DAPK1: variants seen among roughly 807,000 people sequenced by gnomAD.
DAPK1 encodes death associated protein kinase 1.
Under a neutral mutation model 144.9 loss-of-function variants are expected in DAPK1, and 56 were observed. The ratio of observed to expected loss-of-function variants is 0.39; its 90% CI spans 0.31 to 0.48. The LOEUF (loss-of-function observed/expected upper bound fraction) is 0.48, where lower values mean the gene tolerates loss of function less well. Among genes scored for constraint, DAPK1 ranks in the 20% least tolerant of loss-of-function variants. DAPK1 has a pLI of 0.95. For missense variants in DAPK1, 1,454 were observed against 1,875.4 expected, an observed-to-expected ratio of 0.78 and a Z score of 4.15; for synonymous variants, 690 against 749.0, an observed-to-expected ratio of 0.92 and a Z score of 1.29.
intron 2 of DAPK1, among the ~76,000 whole-genome samples, chr9:87,526,270 G>A (rs747669284): frequency 1.3e-5 from 2 of 152,160 alleles, no homozygotes; most frequent in Non-Finnish European, 2.9e-5. Flanking sequence ...CAATCAGGAC[G>A]TATAATAGTT....
intron 21 of DAPK1, among the ~76,000 whole-genome samples, chr9:87,692,063 A>G (rs1927972): frequency 0.14 from 21,117 of 152,042 alleles, 2,036 homozygotes; most frequent in East Asian, 0.44. Flanking sequence ...TAATCTGCCT[A>G]ATGCTGAAAG....
At chr9:87,655,609 A>G (rs901100945) in intron 17 of DAPK1, among the ~76,000 whole-genome samples, 2 of 152,002 alleles carry the variant, frequency 1.3e-5, no homozygotes, top group African/African-American at 2.4e-5. Flanking sequence ...TTCAAATCCT[A>G]CCCTGTCACC....
At chr9:87,570,703 G>A (rs1827298167) in intron 2 of DAPK1, among the ~76,000 whole-genome samples, 2 of 152,220 alleles carry the variant, frequency 1.3e-5, no homozygotes, top group Non-Finnish European at 2.9e-5. Flanking sequence ...ATCATTCATA[G>A]CAGTGATTTA....
intron 3 of DAPK1, among the ~76,000 whole-genome samples, chr9:87,610,418 C>T (rs945458154): frequency 1.5e-4 from 23 of 152,258 alleles, no homozygotes; most frequent in Non-Finnish European, 3.1e-4. Context: ...TTTCATAACT[C>T]GCCTTGTTAT....
At chr9:87,559,919 G>A (rs918172130) in intron 2 of DAPK1, among the ~76,000 whole-genome samples, 3 of 151,752 alleles carry the variant, frequency 2.0e-5, no homozygotes, top group Non-Finnish European at 2.9e-5. Context: ...GCCTCCATCC[G>A]CTTCTTTTGT....
rs775818666 is a variant in DAPK1 at position 87,669,488 on chromosome 9, T to C, written c.2001+814T>C. 7.9e-4 allele frequency among the ~76,000 whole-genome samples: 121 copies of C among 152,264 alleles called. 2 individuals are homozygous for C. Among genetic ancestry groups the C allele is most frequent in the Non-Finnish European group, 2.2e-4 (15 of 68,046 alleles). Reference sequence around the variant, plus strand: ...ACTCAACATTTTCTTCTTTAAACATTAGTGTATTTTAAAAAATTTAATTAC... The same window carrying C: ...ACTCAACATTTTCTTCTTTAAACATCAGTGTATTTTAAAAAATTTAATTAC... On this transcript the variant is annotated intron_variant, in intron 19 of 25. Transcript: ENST00000408954.
At chr9:87,524,475 C>G (rs1386802606) in intron 2 of DAPK1, among the ~76,000 whole-genome samples, 1 of 152,324 alleles carries the variant, frequency 6.6e-6, no homozygotes, top group African/African-American at 2.4e-5. Context: ...CCTTGAACTT[C>G]CTCTTTCTCA....
chr9:87,548,012 T>C (rs1326866784), intron 2 of DAPK1, among the ~76,000 whole-genome samples: 2 of 152,220 alleles, frequency 1.3e-5, no homozygotes, highest in African/African-American at 4.8e-5. Context: ...AGCACAGGTC[T>C]GGATTCATTC....
At chr9:87,554,996 A>G (rs1215373582) in intron 2 of DAPK1, among the ~76,000 whole-genome samples, 2 of 152,202 alleles carry the variant, frequency 1.3e-5, no homozygotes, top group Non-Finnish European at 2.9e-5. Context: ...GTGCCAAGGA[A>G]CTTTCTAGAA....
chr9:87,497,733 C>T (rs1000432020), upstream of DAPK1: 6 of 275,314 alleles, frequency 2.2e-5, no homozygotes, highest in African/African-American at 1.1e-4. Context: ...GCGAGCGCCG[C>T]GCAGAACCCG....
chr9:87,561,841 G>C (rs1826937804), intron 2 of DAPK1, among the ~76,000 whole-genome samples: 1 of 152,180 alleles, frequency 6.6e-6, no homozygotes, highest in Non-Finnish European at 1.5e-5. Flanking sequence ...GGCTCCCTGG[G>C]TTCTGCCCCC....
intron 2 of DAPK1, 194 bp downstream of exon 2, chr9:87,499,333 CAGCAGT>C: frequency 3.4e-6 from 2 of 592,010 alleles, no homozygotes; most frequent in Non-Finnish European, 6.1e-6. Flanking sequence ...GGAGGAGAGG[CAGCAGT>C]TCAGGGCTAG....
chr9:87,652,342 C>CA (rs1830477345), intron 17 of DAPK1, among the ~76,000 whole-genome samples: 2 of 115,084 alleles, frequency 1.7e-5, no homozygotes, highest in African/African-American at 7.0e-5. Flanking sequence ...CACCTGATCC[C>CA]GGGTCCTGAT....
intron 2 of DAPK1, among the ~76,000 whole-genome samples, chr9:87,500,137 C>G (rs569422437): frequency 3.4e-4 from 52 of 152,268 alleles, no homozygotes; most frequent in Admixed American, 3.3e-3. Flanking sequence ...ACACCCACAT[C>G]CTGGATTGCC....
At chr9:87,558,347 A>G (rs1826791581) in intron 2 of DAPK1, among the ~76,000 whole-genome samples, 1 of 152,180 alleles carries the variant, frequency 6.6e-6, no homozygotes, top group Admixed American at 6.5e-5. Context: ...ACTGCATTGC[A>G]CCCCTGAGGA....
chr9:87,558,920 G>A (rs1358863333), intron 2 of DAPK1, among the ~76,000 whole-genome samples: 1 of 152,176 alleles, frequency 6.6e-6, no homozygotes, highest in Non-Finnish European at 1.5e-5. Context: ...ACCCAGTGGG[G>A]CATCAGGGAG....
At chr9:87,646,819 G>A (rs1023550427) in intron 13 of DAPK1, among the ~76,000 whole-genome samples, 6 of 152,110 alleles carry the variant, frequency 3.9e-5, no homozygotes, top group African/African-American at 7.2e-5. Context: ...ACTTCTTACC[G>A]ATCACATTTA....
chr9:87,683,619 G>T (rs775307429), intron 20 of DAPK1, among the ~76,000 whole-genome samples: 1 of 152,188 alleles, frequency 6.6e-6, no homozygotes, highest in Non-Finnish European at 1.5e-5. Context: ...GGAGTCACCT[G>T]TGGCTCTGCC....
intron 2 of DAPK1, among the ~76,000 whole-genome samples, chr9:87,555,469 AATTT>A (rs933304671): frequency 2.6e-5 from 4 of 152,134 alleles, no homozygotes; most frequent in African/African-American, 7.2e-5. Context: ...AACAAAGTGA[AATTT>A]ATTTATCATG....
Sources: gnomAD v4.1 joint callset for allele counts (sites outside exome capture counted in the v4.1 genomes callset) on GRCh38, gnomAD v4.1.1 for gene constraint, MANE v1.5 for transcripts, NCBI Gene and HGNC (gene_info 2026-07-23, HGNC 2026-07-21) for gene names.